The following POLR2F variants were observed in gnomAD, a reference collection of about 807,000 sequenced individuals.
POLR2F encodes DNA-directed RNA polymerases I, II, and III subunit RPABC2.
In POLR2F, 12 loss-of-function variants were observed where a neutral mutation model predicts 22.7. The ratio of observed to expected loss-of-function variants is 0.53; its 90% CI spans 0.34 to 0.86. The LOEUF is 0.86. Among genes scored for constraint, POLR2F ranks in the 40% least tolerant of loss-of-function variants. The probability of loss-of-function intolerance (pLI) is 0.02; values close to 1 mark genes in which losing one functional copy is unlikely to be tolerated. For missense variants in POLR2F, 126 were observed against 171.5 expected, an observed-to-expected ratio of 0.73 and a Z score of 1.48; for synonymous variants, 57 against 66.0, an observed-to-expected ratio of 0.86 and a Z score of 0.66.
Position 38,014,924 on chromosome 22 carries a change from C to T in POLR2F, c.121-10945C>T, listed in dbSNP as rs2084903761. On this transcript the variant is annotated intron_variant, in intron 1 of 2. Transcript: ENST00000333418. ...CTGGGTTCACGCCATTCTCCCACCT[C>T]AGCTTCCCAAGTAGCTGGGATTACA... is the stretch of plus-strand genomic sequence containing the variant. 2.0e-5 allele frequency among the ~76,000 whole-genome samples: 3 copies of T among 151,232 alleles called. No homozygotes were observed. In the South Asian group the frequency reaches 6.3e-4, roughly 32 times the overall value.
rs768787715 is a variant in POLR2F, at chr22:37,986,358, G to A, written c.120+46G>A. 9.2e-5 allele frequency: 141 copies of A among 1,528,920 alleles called. No individual in the cohort carries two copies. The African/African-American group carries it at 1.8e-3, about 20-fold the overall frequency. The allele number at this position is 1,528,920 out of a possible 1,614,324, so 94.7% of individuals were successfully genotyped here. A position where few individuals can be genotyped will look rare whatever the true frequency, so the allele number is the denominator to read the frequency against. ...CCACCCCTCAGTTCCTCCTCTTTGA[G>A]GAAAGGACCTCCCCGCTCTCTGCTG... On this transcript the variant is annotated intron_variant, in intron 1 of 2. Coordinates refer to the POLR2F transcript ENST00000333418. This position sits in a 1 kb window ranked among gnomAD's most constrained non-coding sequence, Gnocchi z 4.7.
At chr22:38,041,441 G>C, downstream of POLR2F, 1 of 344,638 alleles carries the variant, frequency 2.9e-6, no homozygotes, top group East Asian at 5.3e-5. Context: ...TGAGCTCATG[G>C]GGCAAGTGGA....
chr22:37,983,746 G>T, upstream of POLR2F: 1 of 1,486,100 alleles, frequency 6.7e-7, no homozygotes, highest in Non-Finnish European at 8.9e-7. This position sits in a 1 kb window ranked among gnomAD's most constrained non-coding sequence, Gnocchi z 9.5. Flanking sequence ...AGCCCACGGG[G>T]CTCAGCTCCA....
At chr22:37,981,586 G>A (rs1365567406), upstream of POLR2F, among the ~76,000 whole-genome samples, 1 of 152,180 alleles carries the variant, frequency 6.6e-6, no homozygotes, top group Non-Finnish European at 1.5e-5. Context: ...GGAGATGGAG[G>A]GAAAATGAGG....
intron 2 of POLR2F, among the ~76,000 whole-genome samples, chr22:37,957,720 T>C (rs1168166407): frequency 1.3e-5 from 2 of 152,194 alleles, no homozygotes; most frequent in Non-Finnish European, 2.9e-5. Flanking sequence ...GTCTGCATTT[T>C]TCTACTCCTG....
At chr22:37,977,305 C>G (rs186396882) in intron 4 of POLR2F, among the ~76,000 whole-genome samples, 1 of 151,834 alleles carries the variant, frequency 6.6e-6, no homozygotes, top group Admixed American at 6.6e-5. Flanking sequence ...CACTCCATGA[C>G]CTCCACAGAG....
At chr22:37,955,924 A>AT (rs1239065962) in intron 1 of POLR2F, among the ~76,000 whole-genome samples, 3 of 151,740 alleles carry the variant, frequency 2.0e-5, no homozygotes, top group Admixed American at 2.0e-4. Context: ...ACCTCAAGTG[A>AT]TGCACCCACC....
chr22:38,004,303 C>T (rs1410986369), intron 1 of POLR2F, among the ~76,000 whole-genome samples: 5 of 152,014 alleles, frequency 3.3e-5, no homozygotes, highest in Admixed American at 1.3e-4. Flanking sequence ...GTGTTAACAC[C>T]GGTGAAAAAT....
chr22:38,040,149 G>A (rs1393211778), intron 5 of POLR2F, among the ~76,000 whole-genome samples: 1 of 151,938 alleles, frequency 6.6e-6, no homozygotes, highest in Non-Finnish European at 1.5e-5. Context: ...GGTGGTGTAT[G>A]CCTGTGGTCC....
intron 1 of POLR2F, among the ~76,000 whole-genome samples, chr22:38,010,203 C>T (rs2084858748): frequency 6.6e-6 from 1 of 152,050 alleles, no homozygotes; most frequent in Admixed American, 6.6e-5. Context: ...AGCAAGACTC[C>T]ATCTCTATTA....
chr22:38,007,366 CA>C (rs2084830709), intron 1 of POLR2F, among the ~76,000 whole-genome samples: 1 of 152,190 alleles, frequency 6.6e-6, no homozygotes, highest in African/African-American at 2.4e-5. Flanking sequence ...GTGGCCCAGG[CA>C]GGCAGCAGTA....
At chr22:37,972,635 T>C, downstream of POLR2F, 1 of 171,862 alleles carries the variant, frequency 5.8e-6, no homozygotes, top group Admixed American at 5.7e-5. Context: ...TGTCACTCTC[T>C]GGGAAGCCCA....
At chr22:38,025,201 A>G (rs1802072381) in intron 1 of POLR2F, among the ~76,000 whole-genome samples, 1 of 152,052 alleles carries the variant, frequency 6.6e-6, no homozygotes, top group African/African-American at 2.4e-5. Context: ...GATGTTCCCA[A>G]ATATGGTCCC....
At chr22:37,962,045 A>G (rs1341508183) in intron 3 of POLR2F, among the ~76,000 whole-genome samples, 2 of 152,160 alleles carry the variant, frequency 1.3e-5, no homozygotes, top group Non-Finnish European at 2.9e-5. Context: ...AGCCTGGGCA[A>G]CATGGTGAAA....
chr22:37,962,444 C>T (rs1231744186), intron 3 of POLR2F, among the ~76,000 whole-genome samples: 1 of 152,102 alleles, frequency 6.6e-6, no homozygotes, highest in Non-Finnish European at 1.5e-5. Flanking sequence ...CATTGTTCTC[C>T]CCCATTCCTC....
At chr22:38,004,749 A>T (rs1218089922) in intron 1 of POLR2F, among the ~76,000 whole-genome samples, 2 of 152,208 alleles carry the variant, frequency 1.3e-5, no homozygotes, top group Non-Finnish European at 2.9e-5. Context: ...GCTCGACACC[A>T]GTCTGGCCAA....
intron 5 of POLR2F, chr22:38,034,326 C>T (rs1172145818): frequency 6.3e-6 from 1 of 158,778 alleles, no homozygotes; most frequent in East Asian, 1.9e-4. Context: ...GGCAGCTTCC[C>T]CAGGCCTGTC....
At chr22:38,031,180 G>C (rs1012226343), downstream of POLR2F, among the ~76,000 whole-genome samples, 6 of 152,170 alleles carry the variant, frequency 3.9e-5, no homozygotes. This position sits in a 1 kb window ranked among gnomAD's most constrained non-coding sequence, Gnocchi z 4.1. Context: ...AAGAGCGAGA[G>C]TTTGGGTGTC....
downstream of POLR2F, chr22:37,973,980 G>A: frequency 6.2e-7 from 1 of 1,612,552 alleles, no homozygotes. Context: ...TGGCCTGGGT[G>A]CCCATTGGGC....
Sources: gnomAD v4.1 joint callset for allele counts (sites outside exome capture counted in the v4.1 genomes callset) on GRCh38, gnomAD v4.1.1 for gene constraint, Gnocchi (gnomAD v3.1) non-coding constraint, MANE v1.5 for transcripts, NCBI Gene and HGNC (gene_info 2026-07-23, HGNC 2026-07-21) for gene names.